PDS5B: variants seen among roughly 807,000 people sequenced by gnomAD.
The protein encoded by PDS5B is sister chromatid cohesion protein PDS5 homolog B.
PDS5B carries 51 observed loss-of-function variants against 184.1 expected under a neutral mutation model. That is an observed-to-expected ratio of 0.28 (90% CI 0.22 to 0.35). The LOEUF (loss-of-function observed/expected upper bound fraction) is 0.35. PDS5B is among the 10% of genes least tolerant of loss of function. The probability of loss-of-function intolerance (pLI) is 1.00; values close to 1 mark genes in which losing one functional copy is unlikely to be tolerated. For synonymous variants in PDS5B, 566 were observed against 569.2 expected (o/e 0.99, Z 0.08); for missense variants, 1,180 against 1,723.3 (o/e 0.68, Z 5.58).
At chr13:32,752,663 A>G (rs777883388) in intron 24 of PDS5B, among the ~76,000 whole-genome samples, 13 of 152,180 alleles carry the variant, frequency 8.5e-5, no homozygotes, top group African/African-American at 1.9e-4. Flanking sequence ...ATCTTTAAGG[A>G]TAAGTAGGAG....
At chr13:32,589,781 G>T (rs1183334849) in intron 1 of PDS5B, among the ~76,000 whole-genome samples, 2 of 137,152 alleles carry the variant, frequency 1.5e-5, no homozygotes, top group African/African-American at 5.8e-5. Flanking sequence ...TAGTTTCTCT[G>T]AGAGTGTATT....
chr13:32,698,347 T>G (rs1000777822), intron 15 of PDS5B, among the ~76,000 whole-genome samples: 19 of 152,284 alleles, frequency 1.2e-4, no homozygotes, highest in South Asian at 8.3e-4. Context: ...AAAAATACCT[T>G]TTCCTGAACA....
chr13:32,757,118 C>T (rs979522816), intron 26 of PDS5B, among the ~76,000 whole-genome samples: 9 of 150,396 alleles, frequency 6.0e-5, no homozygotes, highest in Non-Finnish European at 1.3e-4. Context: ...CAGAGTGAGA[C>T]TCTGTCTCTA....
At position 32,753,529 on chromosome 13, in the gene PDS5B, T is replaced by A. The variant is rs769520475; in HGVS notation, c.2934T>A (p.Ala978=). 8.1e-6 allele frequency: 13 copies of A among 1,611,028 alleles called. No homozygotes were observed. Among genetic ancestry groups the A allele is most frequent in the Middle Eastern group, 1.7e-4 (1 of 6,058 alleles). ...VRREYLKQHA[A]VSEKLLSLLP... is the part of the protein sequence containing the mutation. ...GGGAGTATCTGAAGCAGCATGCAGC[T>A]GTTAGTGGTAAGCATATAAGAAAAT... Residue 978 remains alanine, a synonymous_variant, in exon 25 of 35, where the codon GCT becomes GCA. Coordinates refer to ENST00000315596, the MANE Select transcript of PDS5B (RefSeq NM_015032.4).
At chr13:32,758,774 A>C in intron 28 of PDS5B, 121 bp downstream of exon 28, 1 of 920,460 alleles carries the variant, frequency 1.1e-6, no homozygotes, top group Non-Finnish European at 1.7e-6. Flanking sequence ...GTGATTTAAG[A>C]TCAGAACCAG....
At chr13:32,589,901 T>TC (rs11459812) in intron 1 of PDS5B, among the ~76,000 whole-genome samples, 51,396 of 151,970 alleles carry the variant, frequency 0.34, 8,925 homozygotes, top group Non-Finnish European at 0.38. Flanking sequence ...TCTAACCATT[T>TC]CCCCCATTAC....
intron 3 of PDS5B, chr13:32,652,577 T>TA (rs10627700): frequency 0.14 from 16,986 of 118,800 alleles, 1,262 homozygotes; most frequent in South Asian, 0.26. Flanking sequence ...GTCTCTACTT[T>TA]AAAAAAAAAA....
At chr13:32,653,718 A>G (rs976852339) in intron 3 of PDS5B, among the ~76,000 whole-genome samples, 1 of 152,226 alleles carries the variant, frequency 6.6e-6, no homozygotes, top group Admixed American at 6.5e-5. Context: ...ATGTAGTTGT[A>G]TACCCAGGTA....
chr13:32,669,670 C>T (rs569272709), intron 7 of PDS5B, among the ~76,000 whole-genome samples: 1 of 152,266 alleles, frequency 6.6e-6, no homozygotes, highest in South Asian at 2.1e-4. Flanking sequence ...CCCCCATGAA[C>T]TCCCCAAACT....
Position 32,667,832 on chromosome 13 carries a change from A to G in PDS5B, c.693A>G (p.Pro231=), listed in dbSNP as rs750113522. 8 of 1,561,824 alleles carry G rather than the reference A, an allele frequency of 5.1e-6. No individual in the cohort carries two copies. The South Asian group carries it at 5.9e-5, about 12-fold the overall frequency. Residue 231 remains proline (P), a synonymous_variant, in exon 7 of 35, where the codon CCA becomes CCG. Coordinates refer to ENST00000315596, the MANE Select transcript of PDS5B (RefSeq NM_015032.4). Reference sequence around the variant, plus strand: ...AGAGGACAGCTCAAGCTATTGAGCCATATATTACCAATGTAAGTCTTACTT... The same window carrying G: ...AGAGGACAGCTCAAGCTATTGAGCCGTATATTACCAATGTAAGTCTTACTT... ...LLKRTAQAIE[P]YITNFFNQVL...
At chr13:32,718,803 T>G (rs1384130957) in intron 19 of PDS5B, among the ~76,000 whole-genome samples, 1 of 152,194 alleles carries the variant, frequency 6.6e-6, no homozygotes, top group Non-Finnish European at 1.5e-5. Flanking sequence ...TAACCAACAA[T>G]CATTTACATT....
intron 19 of PDS5B, among the ~76,000 whole-genome samples, chr13:32,724,837 C>T (rs1952843515): frequency 6.6e-6 from 1 of 152,224 alleles, no homozygotes; most frequent in Admixed American, 6.5e-5. Context: ...ACCTCAGCCT[C>T]CCACAGTTCT....
chr13:32,692,206 A>G (rs764603810), intron 13 of PDS5B, among the ~76,000 whole-genome samples: 24 of 151,492 alleles, frequency 1.6e-4, no homozygotes, highest in Non-Finnish European at 3.3e-4. Context: ...AAGACAAAGT[A>G]TTTCTTAGAT....
intron 1 of PDS5B, among the ~76,000 whole-genome samples, chr13:32,619,023 G>A (rs924660052): frequency 4.0e-5 from 6 of 150,966 alleles, no homozygotes; most frequent in African/African-American, 7.4e-5. Flanking sequence ...TATCTTCACC[G>A]TCATACCACA....
intron 1 of PDS5B, among the ~76,000 whole-genome samples, chr13:32,640,520 T>G (rs532610523): frequency 6.7e-6 from 1 of 149,122 alleles, no homozygotes; most frequent in East Asian, 2.0e-4. Flanking sequence ...GTGCTGAGAT[T>G]ACAGGCGTGA....
At chr13:32,652,577 TAAAAAAAA>T (rs10627700) in intron 3 of PDS5B, 256 of 119,886 alleles carry the variant, frequency 2.1e-3, no homozygotes, top group Middle Eastern at 4.4e-3. Flanking sequence ...GTCTCTACTT[TAAAAAAAA>T]AAAAAAAAAA....
At chr13:32,761,862 G>A (rs558357917) in intron 30 of PDS5B, among the ~76,000 whole-genome samples, 3 of 152,238 alleles carry the variant, frequency 2.0e-5, no homozygotes, top group Admixed American at 6.5e-5. Flanking sequence ...TCTGTTTTAG[G>A]TTCTTTGAGA....
chr13:32,752,009 A>G (rs1464603557), intron 24 of PDS5B, among the ~76,000 whole-genome samples: 1 of 152,216 alleles, frequency 6.6e-6, no homozygotes, highest in Non-Finnish European at 1.5e-5. Flanking sequence ...ATCATTCTAG[A>G]TGAAGAAATT....
chr13:32,667,110 T>G (rs953977510), intron 6 of PDS5B, among the ~76,000 whole-genome samples: 1 of 152,114 alleles, frequency 6.6e-6, no homozygotes, highest in African/African-American at 2.4e-5. Flanking sequence ...ATATACAGTG[T>G]TCCTGTTCTC....
Sources: allele counts gnomAD v4.1 joint callset (sites outside exome capture counted in the v4.1 genomes callset), GRCh38; gene constraint gnomAD v4.1.1; transcripts MANE v1.5; gene names NCBI Gene and HGNC (gene_info 2026-07-23, HGNC 2026-07-21).